Variants in TCAF2 observed in about 807,000 individuals in gnomAD.
The protein encoded by TCAF2 is TRPM8 channel associated factor 2.
In TCAF2, 6 loss-of-function variants were observed where a neutral mutation model predicts 33.9. That is an observed-to-expected ratio of 0.18 (90% CI 0.10 to 0.35). TCAF2 has a LOEUF of 0.35. TCAF2 is among the 10% of genes least tolerant of loss of function. The probability of loss-of-function intolerance (pLI) is 1.00; values close to 1 mark genes in which losing one functional copy is unlikely to be tolerated. For synonymous variants in TCAF2, 41 were observed against 247.8 expected (o/e 0.17, Z 7.84); for missense variants, 109 against 604.0 (o/e 0.18, Z 8.59).
intron 2 of TCAF2, among the ~76,000 whole-genome samples, chr7:143,718,190 GAATA>G (rs1230470436): frequency 3.2e-4 from 23 of 72,174 alleles, no homozygotes; most frequent in African/African-American, 1.2e-3. Flanking sequence ...GTTACTACTG[GAATA>G]AATAAACTAT....
intron 3 of TCAF2, 118 bp downstream of exon 3, chr7:143,720,792 T>C: frequency 9.8e-7 from 1 of 1,018,950 alleles, no homozygotes; most frequent in East Asian, 3.4e-5. Flanking sequence ...CCATTCTTTT[T>C]TTTTTTGAGA....
chr7:143,648,532 T>C lies in TCAF2; in HGVS notation c.-12+27512T>C, dbSNP rs185843971. On this transcript the variant is annotated intron_variant, in intron 1 of 7. Coordinates refer to ENST00000684770, the MANE Select transcript of TCAF2 (RefSeq NM_001363538.2). ...AGGAAGGCTGTAAAAACACCAAATC[T>C]GGACTCTCCGTAGGGTAGTTCTGAT... 1.7e-3 allele frequency among the ~76,000 whole-genome samples: 225 copies of C among 134,332 alleles called. 8 individuals are homozygous for C. The highest frequency in any genetic ancestry group is 5.2e-3 in the African/African-American group (200 of 38,364). 88.1% of individuals were successfully genotyped at this position (134,332 alleles called of 152,430 possible). A position where few individuals can be genotyped will look rare whatever the true frequency, so the allele number is the denominator to read the frequency against.
rs148091360 is a variant in TCAF2 at position 143,724,548 on chromosome 7, G to A, written c.2356G>A (p.Val786Met). 5.3e-5 allele frequency: 86 copies of A among 1,610,852 alleles called. No individual in the cohort carries two copies. The African/African-American group carries it at 5.3e-4, about 10-fold the overall frequency. ...EATCNLWSVYVHETVLGIPRA... is the reference protein window; with the variant it reads ...EATCNLWSVYMHETVLGIPRA... ...CACCTGTAACCTTTGGTCAGTCTAC[G>A]TGCATGAAACAGTCCTGGGGATCCC... The change falls in exon 7 of 8, where the codon GTG (valine) becomes ATG (methionine). Residue 786 changes from valine to methionine, a missense_variant. By Grantham distance (21) the Val-to-Met change is conservative. Transcript: ENST00000684770.
rs1186803341 is a variant in TCAF2 at position 143,720,081 on chromosome 7, A to T, written c.1022A>T (p.Asp341Val). Reference sequence around the variant, plus strand: ...GTCTACTGCTGCAAGGCGTACAGTGACAAGGAGGCTAAGCAGCTGCAGGAG... The same window carrying T: ...GTCTACTGCTGCAAGGCGTACAGTGTCAAGGAGGCTAAGCAGCTGCAGGAG... ...LCVYCCKAYS[D>V]KEAKQLQEFV... Residue 341 changes from aspartate (D) to valine (V), a missense_variant, in exon 3 of 8, where the codon GAC becomes GTC. Asp to Val is a radical substitution (Grantham distance 152, BLOSUM62 -3). Coordinates refer to ENST00000684770, the MANE Select transcript of TCAF2 (RefSeq NM_001363538.2). 3 of 1,604,014 alleles carry T rather than the reference A, an allele frequency of 1.9e-6. No individual in the cohort carries two copies. The highest frequency in any genetic ancestry group is 1.1e-5 in the South Asian group (1 of 90,710).
chr7:143,648,560 A>G lies in TCAF2; in HGVS notation c.-12+27540A>G, dbSNP rs568573132. Reference sequence around the variant, plus strand: ...ACTCTCCGTAGGGTAGTTCTGATCTAGGAACACATCACAATTAAATTGTAT... The same window carrying G: ...ACTCTCCGTAGGGTAGTTCTGATCTGGGAACACATCACAATTAAATTGTAT... On this transcript the variant is annotated intron_variant, in intron 1 of 7. Transcript: ENST00000684770. 9.9e-5 allele frequency among the ~76,000 whole-genome samples: 11 copies of G among 111,294 alleles called. No individual in the cohort carries two copies. In the South Asian group the frequency reaches 2.9e-3, roughly 29 times the overall value. 73.0% of individuals were successfully genotyped at this position (111,294 alleles called of 152,430 possible). A position where few individuals can be genotyped will look rare whatever the true frequency, so the allele number is the denominator to read the frequency against.
chr7:143,728,426 C>T lies in TCAF2; in HGVS notation c.*759C>T, dbSNP rs1321184956. 6.6e-6 allele frequency: 1 copy of T among 152,382 alleles called. No homozygotes were observed. The highest frequency in any genetic ancestry group is 1.5e-5 in the Non-Finnish European group (1 of 68,228). 9.4% of individuals were successfully genotyped at this position (152,382 alleles called of 1,614,324 possible). A position where few individuals can be genotyped will look rare whatever the true frequency, so the allele number is the denominator to read the frequency against. On this transcript the variant is annotated 3_prime_UTR_variant, in exon 8 of 8. Transcript: ENST00000684770. ...TTTTTCTCCCACTTCTGGAAGGATTCTTGGGTATAACCTAACCCAAAGAAA... is the reference window on the plus strand; with the variant it reads ...TTTTTCTCCCACTTCTGGAAGGATTTTTGGGTATAACCTAACCCAAAGAAA...
At chr7:143,725,933 C>T (rs1269801344) in intron 7 of TCAF2, among the ~76,000 whole-genome samples, 8 of 140,352 alleles carry the variant, frequency 5.7e-5, no homozygotes, top group African/African-American at 1.6e-4. Context: ...GCTCAGGCCT[C>T]GTTAGTCTTC....
At chr7:143,622,558 CTTTAT>C (rs1445933295) in intron 1 of TCAF2, among the ~76,000 whole-genome samples, 1 of 34,150 alleles carries the variant, frequency 2.9e-5, no homozygotes, top group Non-Finnish European at 6.8e-5. Flanking sequence ...ATATTCTTTG[CTTTAT>C]TTTATTTTAC....
rs1192195130 is a variant in TCAF2, at chr7:143,701,824, T to TTATTTTATTTTA, written c.-11-1154_-11-1153insATTTTATATTTT. 6.1e-5 allele frequency among the ~76,000 whole-genome samples: 7 copies of TTATTTTATTTTA among 115,582 alleles called. 1 individual carries two copies. Among genetic ancestry groups the TTATTTTATTTTA allele is most frequent in the African/African-American group, 2.4e-4 (7 of 29,252 alleles). The allele number at this position is 115,582 out of a possible 152,430, so 75.8% of individuals were successfully genotyped here. On this transcript the variant is annotated intron_variant, in intron 1 of 7. Transcript: ENST00000684770. ...TTATTTTATTTTATTTTATTTTATT[T>TTATTTTATTTTA]TATTTTTTGAGGCAGAGTCTTGTTC...
rs1809766379 is a variant in TCAF2, at chr7:143,729,600, T to C, written c.*1933T>C. On this transcript the variant is annotated 3_prime_UTR_variant, in exon 8 of 8. Coordinates refer to ENST00000684770, the MANE Select transcript of TCAF2 (RefSeq NM_001363538.2). ...AAATTCAACTCCAGAACTGATGTTC[T>C]TTTTTTTTTTTCATTTAAGTTCTGG... 7.2e-6 allele frequency: 1 copy of C among 139,634 alleles called. No individual in the cohort carries two copies. The highest frequency in any genetic ancestry group is 2.6e-5 in the African/African-American group (1 of 37,854). The allele number at this position is 139,634 out of a possible 1,614,324, so 8.6% of individuals were successfully genotyped here.
Position 143,720,275 on chromosome 7 carries a change from AC to A in TCAF2, c.1220del (p.Pro407LeufsTer3). ...CAAAGCAGGCTGCTTCCCCGTTCCC[AC>A]CCCTGAGATGAGAAGCTACCACTTC... ...TLKAGCFPVP[T>X]PEMRSYHFRK... On this transcript the variant is annotated frameshift_variant, in exon 3 of 8. Transcript: ENST00000684770. LOFTEE classifies it high-confidence loss of function. The A allele has an allele frequency of 1.2e-6, 1 of 828,374 alleles. No individual in the cohort carries two copies. Among genetic ancestry groups the A allele is most frequent in the Non-Finnish European group, 1.9e-6 (1 of 540,184 alleles). 51.3% of individuals were successfully genotyped at this position (828,374 alleles called of 1,614,324 possible).
In TCAF2 at chr7:143,712,523, T is replaced by C. The variant is rs1428350816; in HGVS notation, c.624-7160T>C. ...GCATTGCACTCCAGCCTGAGCAACA[T>C]AGTGAGAACCTGTCACTATTTGGTA... On this transcript the variant is annotated intron_variant, in intron 2 of 7. Transcript: ENST00000684770. Among the ~76,000 whole-genome samples, 4 of 97,438 alleles carry C rather than the reference T, an allele frequency of 4.1e-5. 2 individuals carry two copies. Among genetic ancestry groups the C allele is most frequent in the African/African-American group, 1.3e-4 (4 of 30,218 alleles). The allele number at this position is 97,438 out of a possible 152,430, so 63.9% of individuals were successfully genotyped here. A position where few individuals can be genotyped will look rare whatever the true frequency, so the allele number is the denominator to read the frequency against.
At chr7:143,648,074 A>C (rs1164619039) in intron 1 of TCAF2, among the ~76,000 whole-genome samples, 1 of 97,348 alleles carries the variant, frequency 1.0e-5, no homozygotes, top group Non-Finnish European at 2.2e-5. Flanking sequence ...GCGTGCCACC[A>C]CACCCAGCTA....
chr7:143,724,517 T>G lies in TCAF2; in HGVS notation c.2325T>G (p.Thr775=), dbSNP rs1439516149. ...GATGGGAGTTCCCCCCACACACTAC[T>G]GAGGCCACCTGTAACCTTTGGTCAG... ...RHGWEFPPHT[T]EATCNLWSVY... The change falls in exon 7 of 8, where the codon ACT becomes ACG. Residue 775 remains threonine (T), a synonymous_variant. Coordinates refer to ENST00000684770, the MANE Select transcript of TCAF2 (RefSeq NM_001363538.2). The G allele has an allele frequency of 6.2e-7, 1 of 1,610,816 alleles. No homozygotes were observed. Among genetic ancestry groups the G allele is most frequent in the Non-Finnish European group, 8.5e-7 (1 of 1,179,454 alleles).
chr7:143,728,142 CTG>C lies in TCAF2; in HGVS notation c.*479_*480del, dbSNP rs1809725187. ...TTCTATGGAAAATCACTCCACCTCT[CTG>C]TGTTTCTGTCTTCACATCCATGACA... is the stretch of plus-strand genomic sequence containing the variant. On this transcript the variant is annotated 3_prime_UTR_variant, in exon 8 of 8. Transcript: ENST00000684770. 5.2e-6 allele frequency: 1 copy of C among 193,866 alleles called. No homozygotes were observed. The highest frequency in any genetic ancestry group is 2.4e-5 in the African/African-American group (1 of 41,904). 12.0% of individuals were successfully genotyped at this position (193,866 alleles called of 1,614,324 possible). A position where few individuals can be genotyped will look rare whatever the true frequency, so the allele number is the denominator to read the frequency against.
chr7:143,650,015 T>C (rs190166251), intron 1 of TCAF2, among the ~76,000 whole-genome samples: 761 of 60,596 alleles, frequency 0.013, 236 homozygotes, highest in African/African-American at 0.027. Context: ...GAGTCTGTGG[T>C]CCCCATTTTT....
rs1363661092 is a variant in TCAF2, at chr7:143,729,630, C to G, written c.*1963C>G. Reference sequence around the variant, plus strand: ...TTTTTTTCATTTAAGTTCTGGGATACATGTGCAGAACGTGCAGGTTTGTTA... The same window carrying G: ...TTTTTTTCATTTAAGTTCTGGGATAGATGTGCAGAACGTGCAGGTTTGTTA... On this transcript the variant is annotated 3_prime_UTR_variant, in exon 8 of 8. Transcript: ENST00000684770. 6.6e-6 allele frequency: 1 copy of G among 151,508 alleles called. No individual in the cohort carries two copies. The highest frequency in any genetic ancestry group is 6.6e-5 in the Admixed American group (1 of 15,192). 9.4% of individuals were successfully genotyped at this position (151,508 alleles called of 1,614,324 possible).
rs1304599713 is a variant in TCAF2 at position 143,729,732 on chromosome 7, GA to G, written c.*2066del. ...TAGATTTTAAGCTCTGCATGCATTA[GA>G]TATTTGTCCTAATGCTCTCCCTCCC... On this transcript the variant is annotated 3_prime_UTR_variant, in exon 8 of 8. Transcript: ENST00000684770. 2.0e-5 allele frequency: 3 copies of G among 152,040 alleles called. No individual in the cohort carries two copies. The highest frequency in any genetic ancestry group is 4.4e-5 in the Non-Finnish European group (3 of 68,034). The allele number at this position is 152,040 out of a possible 1,614,324, so 9.4% of individuals were successfully genotyped here. A position where few individuals can be genotyped will look rare whatever the true frequency, so the allele number is the denominator to read the frequency against.
Position 143,719,523 on chromosome 7 carries a change from AATGATATTAGC to A in TCAF2, c.624-156_624-146del, listed in dbSNP as rs1809449084. 9.9e-5 allele frequency among the ~76,000 whole-genome samples: 15 copies of A among 151,354 alleles called. No homozygotes were observed. The South Asian group carries it at 3.1e-3, about 32-fold the overall frequency. On this transcript the variant is annotated intron_variant, in intron 2 of 7. Transcript: ENST00000684770. ...ATATGCCTTAAACATGATAAAAATA[AATGATATTAGC>A]ATGCTAAAATCCTAACATTAGTAAG...
Sources: gnomAD v4.1 joint callset for allele counts (sites outside exome capture counted in the v4.1 genomes callset) on GRCh38, gnomAD v4.1.1 for gene constraint, MANE v1.5 for transcripts, NCBI Gene and HGNC (gene_info 2026-07-23, HGNC 2026-07-21) for gene names.